Variants in SLFN12L observed in about 807,000 individuals in gnomAD.
SLFN12L encodes schlafen family member 12-like.
Under a neutral mutation model 34.8 loss-of-function variants are expected in SLFN12L, and 34 were observed. The ratio of observed to expected loss-of-function variants is 0.98; its 90% CI spans 0.74 to 1.30. The LOEUF is 1.30. Among genes scored for constraint, SLFN12L ranks in the 50% most tolerant of loss-of-function variants. SLFN12L has a pLI of 0.00. For synonymous variants in SLFN12L, 259 were observed against 247.5 expected (o/e 1.05, Z -0.44); for missense variants, 703 against 696.2 (o/e 1.01, Z -0.11).
chr17:35,479,184 C>T lies in SLFN12L; in HGVS notation c.1098G>A (p.Val366=), dbSNP rs1192358768. 2.5e-6 allele frequency: 4 copies of T among 1,578,234 alleles called. No homozygotes were observed. The highest frequency in any genetic ancestry group is 1.2e-5 in the South Asian group (1 of 86,390). ...VFAKKPDSWH[V]KDNRVKQLTE... is the part of the protein sequence containing the mutation. Reference sequence around the variant, plus strand: ...TCAACTGCTTAACTCTGTTATCTTTCACGTGCCAGGAATCAGGCTTTTTAG... The same window carrying T: ...TCAACTGCTTAACTCTGTTATCTTTTACGTGCCAGGAATCAGGCTTTTTAG... The change falls in exon 3 of 5, where the codon GTG becomes GTA. Residue 366 remains valine, a synonymous_variant. Coordinates refer to ENST00000628453, the MANE Select transcript of SLFN12L (RefSeq NM_001363830.2).
chr17:35,493,143 C>T (rs1914907178), intron 2 of SLFN12L, among the ~76,000 whole-genome samples: 2 of 152,194 alleles, frequency 1.3e-5, no homozygotes, highest in Admixed American at 1.3e-4. Context: ...TGCAGACTAT[C>T]TTCCTTTTTT....
chr17:35,475,340 A>G lies in SLFN12L; in HGVS notation c.1422T>C (p.Asp474=). 1 of 1,614,246 alleles carries G rather than the reference A, an allele frequency of 6.2e-7. No homozygotes were observed. Among genetic ancestry groups the G allele is most frequent in the African/African-American group, 1.3e-5 (1 of 75,062 alleles). Residue 474 remains aspartate, a synonymous_variant, in exon 5 of 5, where the codon GAT becomes GAC. Coordinates refer to ENST00000628453, the MANE Select transcript of SLFN12L (RefSeq NM_001363830.2). Reference sequence around the variant, plus strand: ...CTTTGTGGTTCTCTTGCAAGCCCAGATCCAAAGACCAGCTCCTAGAGAAGA... The same window carrying G: ...CTTTGTGGTTCTCTTGCAAGCCCAGGTCCAAAGACCAGCTCCTAGAGAAGA... ...SLIFSRSWSL[D]LGLQENHKVL... is the part of the protein sequence containing the mutation.
intron 2 of SLFN12L, among the ~76,000 whole-genome samples, chr17:35,482,492 G>A (rs1295170849): frequency 1.3e-5 from 2 of 152,158 alleles, no homozygotes; most frequent in African/African-American, 2.4e-5. Flanking sequence ...CACCACTGTA[G>A]ACCCAGGCCT....
At chr17:35,486,974 T>C (rs774604761) in intron 2 of SLFN12L, among the ~76,000 whole-genome samples, 4 of 152,228 alleles carry the variant, frequency 2.6e-5, no homozygotes, top group Admixed American at 1.3e-4. Flanking sequence ...ACAGCACTGC[T>C]TTCACCCTTT....
chr17:35,498,843 T>C, intron 2 of SLFN12L: 2 of 755,742 alleles, frequency 2.6e-6, no homozygotes, highest in Non-Finnish European at 4.6e-6. Flanking sequence ...CTAACAGCTG[T>C]ATGCAAGTGG....
At chr17:35,486,507 CG>C (rs933773073) in intron 2 of SLFN12L, among the ~76,000 whole-genome samples, 7 of 152,172 alleles carry the variant, frequency 4.6e-5, no homozygotes, top group African/African-American at 1.2e-4. Context: ...CCTGGCCACC[CG>C]AGTCCAACAC....
Position 35,475,230 on chromosome 17 carries a change from T to G in SLFN12L, c.1532A>C (p.Asp511Ala), listed in dbSNP as rs757042063. 4.3e-6 allele frequency: 7 copies of G among 1,614,154 alleles called. No individual in the cohort carries two copies. The South Asian group carries it at 6.6e-5, about 15-fold the overall frequency. Residue 511 changes from aspartate to alanine, a missense_variant, in exon 5 of 5, where the codon GAC (aspartate) becomes GCC (alanine). By Grantham distance (126) the Asp-to-Ala change is moderately radical (BLOSUM62 -2). Transcript: ENST00000628453. ...AGTTTGGGCAGTTTGTGTAGAATAG[T>G]CTTTAAACTCCTCATCCTGTACCAT... Reference protein sequence around the residue: ...FHMVQDEEFKDYSTQTAQTLK... With the variant: ...FHMVQDEEFKAYSTQTAQTLK...
At chr17:35,483,572 G>A (rs1914443593) in intron 2 of SLFN12L, among the ~76,000 whole-genome samples, 1 of 152,222 alleles carries the variant, frequency 6.6e-6, no homozygotes, top group South Asian at 2.1e-4. Flanking sequence ...ATAAATTTCT[G>A]TTATTTATAA....
At chr17:35,523,129 T>C (rs537230649) in intron 1 of SLFN12L, among the ~76,000 whole-genome samples, 160 bp from the exon 2 acceptor site, 38 of 152,358 alleles carry the variant, frequency 2.5e-4, no homozygotes, top group African/African-American at 8.9e-4. Context: ...AAAAGAAGCT[T>C]TGAAATATCT....
At chr17:35,493,833 A>T (rs1482599849) in intron 2 of SLFN12L, among the ~76,000 whole-genome samples, 1 of 152,244 alleles carries the variant, frequency 6.6e-6, no homozygotes, top group East Asian at 1.9e-4. Context: ...ATTTGTAAAC[A>T]CTACCAGAAT....
intron 2 of SLFN12L, among the ~76,000 whole-genome samples, chr17:35,519,585 G>A (rs4796093): frequency 0.65 from 98,217 of 151,982 alleles, 33,516 homozygotes; most frequent in Non-Finnish European, 0.75. Context: ...CCCACATCAA[G>A]GAAGTGGCAC....
rs78408701 is a variant in SLFN12L at position 35,523,959 on chromosome 17, A to C, written c.-605-990T>G. On this transcript the variant is annotated intron_variant, in intron 1 of 4. Transcript: ENST00000628453. Reference sequence around the variant, plus strand: ...TAAAAAAAAAAAAATTTCAAAGATCATGGGGTCCAAAGGGAGAAAAACAAG... The same window carrying C: ...TAAAAAAAAAAAAATTTCAAAGATCCTGGGGTCCAAAGGGAGAAAAACAAG... 2.5e-4 allele frequency among the ~76,000 whole-genome samples: 38 copies of C among 152,232 alleles called. No individual in the cohort carries two copies. In the East Asian group the frequency reaches 7.1e-3, roughly 29 times the overall value.
Position 35,472,405 on chromosome 17 carries a change from C to G in SLFN12L, c.*2518G>C, listed in dbSNP as rs1036698452. On this transcript the variant is annotated 3_prime_UTR_variant, in exon 5 of 5. Transcript: ENST00000628453. ...TGAATAGAAGATCCTTTCCCCATTG[C>G]TTGTTTTTGTCAAGTTTGTAGAAGA... Among the ~76,000 whole-genome samples, 2 of 152,100 alleles carry G rather than the reference C, an allele frequency of 1.3e-5. No homozygotes were observed. Among genetic ancestry groups the G allele is most frequent in the Non-Finnish European group, 2.9e-5 (2 of 68,024 alleles).
At chr17:35,479,004 A>G (rs1485386911) in intron 3 of SLFN12L, 113 bp downstream of exon 3, 2 of 751,408 alleles carry the variant, frequency 2.7e-6, no homozygotes, top group East Asian at 5.4e-5. Context: ...TGTATCCACC[A>G]GAGATGTTGA....
chr17:35,537,494 A>G (rs1377905747), intron 1 of SLFN12L, 79 bp downstream of exon 1: 1 of 152,258 alleles, frequency 6.6e-6, no homozygotes, highest in South Asian at 2.1e-4. Context: ...TTCATCTTAG[A>G]GTTATGAGGT....
Position 35,465,070 on chromosome 17 carries a change from G to T in SLFN12L, c.*9853C>A, listed in dbSNP as rs1913700668. Reference sequence around the variant, plus strand: ...TTTTGTATTTTTTAGTAGAGATGAGGTTTCACTATATGTTCGCCAGGCTGG... The same window carrying T: ...TTTTGTATTTTTTAGTAGAGATGAGTTTTCACTATATGTTCGCCAGGCTGG... On this transcript the variant is annotated 3_prime_UTR_variant, in exon 5 of 5. Coordinates refer to ENST00000628453, the MANE Select transcript of SLFN12L (RefSeq NM_001363830.2). Among the ~76,000 whole-genome samples, 2 of 152,190 alleles carry T rather than the reference G, an allele frequency of 1.3e-5. No individual in the cohort carries two copies. Among genetic ancestry groups the T allele is most frequent in the South Asian group, 4.2e-4 (2 of 4,814 alleles).
intron 2 of SLFN12L, among the ~76,000 whole-genome samples, chr17:35,489,744 G>C (rs1334761550): frequency 6.6e-6 from 1 of 152,136 alleles, no homozygotes; most frequent in Non-Finnish European, 1.5e-5. Context: ...AAAAGCATTT[G>C]ACTCTTGAAA....
At chr17:35,530,504 GAAAGAAAGA>G (rs2072396184) in intron 1 of SLFN12L, among the ~76,000 whole-genome samples, 29 of 33,086 alleles carry the variant, frequency 8.8e-4, no homozygotes, top group Admixed American at 2.4e-3. Context: ...AAGAAAGAAA[GAAAGAAAGA>G]AAAGAAAAGA....
rs761346407 is a variant in SLFN12L, at chr17:35,478,091, C to T, written c.1260G>A (p.Leu420=). 3.1e-5 allele frequency: 47 copies of T among 1,539,386 alleles called. No individual in the cohort carries two copies. The Admixed American group carries it at 6.3e-4, about 21-fold the overall frequency. ...TTAAATTACCTGGAAGGTGATATCT[C>T]AGTGGCTGAATTTTGAAGTTAATAT... is the stretch of plus-strand genomic sequence containing the variant. The part of the protein sequence containing the change: ...REYINFKIQP[L]RYHLPGLSEK... The change falls in exon 4 of 5, where the codon CTG becomes CTA. Residue 420 remains leucine, a synonymous_variant. Transcript: ENST00000628453.
Sources: gnomAD v4.1 joint callset for allele counts (sites outside exome capture counted in the v4.1 genomes callset) on GRCh38, gnomAD v4.1.1 for gene constraint, MANE v1.5 for transcripts, NCBI Gene and HGNC (gene_info 2026-07-23, HGNC 2026-07-21) for gene names.